Variants in ADCK1 observed in about 807,000 individuals in gnomAD.
The protein encoded by ADCK1 is aarF domain containing kinase 1, also known as aarF domain-containing protein kinase 1.
ADCK1 carries 41 observed loss-of-function variants against 52.3 expected under a neutral mutation model. The observed-to-expected ratio is 0.78, with a 90% CI of 0.61 to 1.02. The LOEUF (loss-of-function observed/expected upper bound fraction) is 1.02, where lower values mean the gene tolerates loss of function less well. Ranked by LOEUF, ADCK1 falls within the 50% of genes least tolerant of loss-of-function variation. The pLI is 0.00. For synonymous variants in ADCK1, 250 were observed against 274.6 expected, an observed-to-expected ratio of 0.91 and a Z score of 0.89; for missense variants, 658 against 679.5, an observed-to-expected ratio of 0.97 and a Z score of 0.35.
intron 4 of ADCK1, among the ~76,000 whole-genome samples, chr14:77,882,978 G>A (rs994774922): frequency 1.7e-4 from 20 of 118,214 alleles, no homozygotes; most frequent in South Asian, 7.6e-4. Flanking sequence ...GTGCTTTTTT[G>A]CTCATTAAAT....
intron 10 of ADCK1, among the ~76,000 whole-genome samples, chr14:77,932,141 C>T (rs2084356319): frequency 1.3e-5 from 2 of 150,328 alleles, no homozygotes; most frequent in Non-Finnish European, 3.0e-5. Context: ...CTTCATCTCC[C>T]GAATTCAAGC....
At chr14:77,834,166 G>T (rs2081914596) in intron 3 of ADCK1, among the ~76,000 whole-genome samples, 1 of 152,140 alleles carries the variant, frequency 6.6e-6, no homozygotes, top group South Asian at 2.1e-4. Context: ...GTATTTCTGT[G>T]ATATTTTTCA....
intron 6 of ADCK1, among the ~76,000 whole-genome samples, chr14:77,905,127 A>G (rs2083630560): frequency 6.6e-6 from 1 of 151,948 alleles, no homozygotes; most frequent in South Asian, 2.1e-4. Flanking sequence ...TATTTTAGTC[A>G]TTTCAGATTT....
At chr14:77,808,736 T>C (rs148139153) in intron 1 of ADCK1, among the ~76,000 whole-genome samples, 3,184 of 152,180 alleles carry the variant, frequency 0.021, 106 homozygotes, top group African/African-American at 0.07. Context: ...CTACCACGCC[T>C]GGTTAATTTT....
intron 3 of ADCK1, among the ~76,000 whole-genome samples, chr14:77,825,722 A>T (rs1404451384): frequency 6.6e-6 from 1 of 150,524 alleles, no homozygotes; most frequent in African/African-American, 2.5e-5. Flanking sequence ...GCTCACTGCA[A>T]CCTCCGCCTC....
chr14:77,800,567 G>A (rs2081087696), intron 1 of ADCK1, among the ~76,000 whole-genome samples: 1 of 152,256 alleles, frequency 6.6e-6, no homozygotes, highest in Admixed American at 6.5e-5. Context: ...GGCAGAAGCA[G>A]CTGGAGCTGG....
intron 9 of ADCK1, 48 bp from the exon 10 acceptor site, chr14:77,931,470 C>A (rs1425087797): frequency 1.3e-6 from 2 of 1,580,666 alleles, no homozygotes; most frequent in Non-Finnish European, 1.7e-6. Context: ...CCCCTGGCCC[C>A]ACTGCCCATA....
In ADCK1 at chr14:77,933,593, T is replaced by C; in HGVS notation, c.*202T>C. The C allele has an allele frequency of 8.7e-6, 5 of 575,196 alleles. No individual in the cohort carries two copies. The highest frequency in any genetic ancestry group is 1.5e-5 in the Non-Finnish European group (5 of 330,292). The allele number at this position is 575,196 out of a possible 1,614,324, so 35.6% of individuals were successfully genotyped here. On this transcript the variant is annotated 3_prime_UTR_variant, in exon 11 of 11. Coordinates refer to ENST00000238561, the MANE Select transcript of ADCK1 (RefSeq NM_020421.4). The stretch of plus-strand genomic sequence containing the variant: ...AGGGCCCACAAGCTGAACTGTGGCA[T>C]AGCTCTCTCTTCTTCTCCAAGAAGA...
intron 3 of ADCK1, among the ~76,000 whole-genome samples, chr14:77,857,636 A>G (rs946569154): frequency 6.6e-6 from 1 of 152,198 alleles, no homozygotes; most frequent in Non-Finnish European, 1.5e-5. Context: ...AAACAAAAAA[A>G]CTTCTTAATT....
chr14:77,860,041 C>T (rs1476243643), intron 4 of ADCK1, among the ~76,000 whole-genome samples: 2 of 152,156 alleles, frequency 1.3e-5, no homozygotes, highest in Non-Finnish European at 2.9e-5. Flanking sequence ...CCTATCTGTC[C>T]ACCCAGCTAG....
intron 7 of ADCK1, among the ~76,000 whole-genome samples, chr14:77,917,535 C>CA (rs1373002839): frequency 6.6e-6 from 1 of 152,064 alleles, no homozygotes; most frequent in Non-Finnish European, 1.5e-5. Flanking sequence ...GAGAAAAGTC[C>CA]AAAAATAACT....
At chr14:77,902,095 ACAT>A (rs1045190094) in intron 6 of ADCK1, among the ~76,000 whole-genome samples, 5 of 152,196 alleles carry the variant, frequency 3.3e-5, no homozygotes, top group African/African-American at 1.2e-4. Flanking sequence ...GCTTTTGAAG[ACAT>A]CATGAGAAAT....
intron 4 of ADCK1, among the ~76,000 whole-genome samples, chr14:77,873,358 G>C (rs2082827452): frequency 6.6e-6 from 1 of 152,248 alleles, no homozygotes; most frequent in Non-Finnish European, 1.5e-5. Context: ...AGGCCTCCTT[G>C]GTGATTTATG....
intron 1 of ADCK1, among the ~76,000 whole-genome samples, chr14:77,810,061 A>C (rs551057371): frequency 6.8e-6 from 1 of 148,096 alleles, no homozygotes; most frequent in East Asian, 2.0e-4. Context: ...AAAAAAAATT[A>C]CAAGAGAGTC....
intron 3 of ADCK1, among the ~76,000 whole-genome samples, chr14:77,828,235 A>T (rs1303948761): frequency 6.6e-6 from 1 of 152,142 alleles, no homozygotes; most frequent in Admixed American, 6.5e-5. Context: ...GAGTGCTGGA[A>T]TTACAGACGT....
intron 7 of ADCK1, among the ~76,000 whole-genome samples, chr14:77,911,027 GC>G (rs1354883032): frequency 6.6e-6 from 1 of 152,132 alleles, no homozygotes; most frequent in Non-Finnish European, 1.5e-5. Context: ...GCAGAATGGG[GC>G]AAGCTGATAT....
intron 4 of ADCK1, among the ~76,000 whole-genome samples, chr14:77,878,220 A>G (rs1343762741): frequency 6.6e-6 from 1 of 152,260 alleles, no homozygotes; most frequent in East Asian, 1.9e-4. Flanking sequence ...CGTGCCCTGC[A>G]CATATTAGTC....
At chr14:77,841,028 A>G (rs1402423501) in intron 3 of ADCK1, among the ~76,000 whole-genome samples, 1 of 152,206 alleles carries the variant, frequency 6.6e-6, no homozygotes, top group African/African-American at 2.4e-5. Flanking sequence ...CATAGATTCC[A>G]GGGAGCTGGA....
intron 4 of ADCK1, among the ~76,000 whole-genome samples, chr14:77,866,302 G>T (rs1424588181): frequency 6.6e-6 from 1 of 152,230 alleles, no homozygotes; most frequent in Non-Finnish European, 1.5e-5. Context: ...TTTTGTATAT[G>T]TGGTCCGTTG....
Sources: gnomAD v4.1 joint callset for allele counts (sites outside exome capture counted in the v4.1 genomes callset) on GRCh38, gnomAD v4.1.1 for gene constraint, MANE v1.5 for transcripts, NCBI Gene and HGNC (gene_info 2026-07-23, HGNC 2026-07-21) for gene names.